Variants in CPNE8 observed in about 807,000 individuals in gnomAD.
CPNE8 encodes copine 8.
A neutral mutation model predicts 81.5 loss-of-function variants in CPNE8; 45 were observed. That is an observed-to-expected ratio of 0.55 (90% CI 0.44 to 0.71). The LOEUF is 0.71. CPNE8 is among the 30% of genes least tolerant of loss of function. CPNE8 has a pLI of 0.00. For synonymous variants in CPNE8, 252 were observed against 226.3 expected (o/e 1.11, Z -1.02); for missense variants, 594 against 672.1 (o/e 0.88, Z 1.28).
At chr12:38,846,521 C>G (rs1459938330) in intron 4 of CPNE8, among the ~76,000 whole-genome samples, 1 of 152,124 alleles carries the variant, frequency 6.6e-6, no homozygotes, top group African/African-American at 2.4e-5. Context: ...CAGGTCATGA[C>G]TGTTCTTTAG....
At chr12:38,741,000 A>T (rs1399160623) in intron 10 of CPNE8, among the ~76,000 whole-genome samples, 2 of 152,038 alleles carry the variant, frequency 1.3e-5, no homozygotes, top group Non-Finnish European at 2.9e-5. Flanking sequence ...CTTCAGGGAG[A>T]ACTACAAACC....
In CPNE8 at chr12:38,657,510, C is replaced by G. The variant is rs553103432; in HGVS notation, c.1507-3440G>C. Among the ~76,000 whole-genome samples, 4 of 152,212 alleles carry G rather than the reference C, an allele frequency of 2.6e-5. No homozygotes were observed. The South Asian group carries it at 8.3e-4, about 32-fold the overall frequency. On this transcript the variant is annotated intron_variant, in intron 19 of 19. Coordinates refer to ENST00000331366, the MANE Select transcript of CPNE8 (RefSeq NM_153634.3). Reference sequence around the variant, plus strand: ...ACTTAAACATCCCTGTCTGACAGCCCTGGAGAGAGCAGTGGTTCTCCCAGC... The same window carrying G: ...ACTTAAACATCCCTGTCTGACAGCCGTGGAGAGAGCAGTGGTTCTCCCAGC...
At chr12:38,698,453 G>T (rs1299438332) in intron 14 of CPNE8, among the ~76,000 whole-genome samples, 8 of 152,190 alleles carry the variant, frequency 5.3e-5, no homozygotes, top group Admixed American at 4.6e-4. Flanking sequence ...CATGAGTTTG[G>T]TATCTTATTT....
chr12:38,887,861 T>C (rs529869663), intron 1 of CPNE8, among the ~76,000 whole-genome samples: 10 of 152,318 alleles, frequency 6.6e-5, no homozygotes, highest in South Asian at 2.1e-4. Context: ...TGAGATTATA[T>C]ATCATTATTT....
intron 6 of CPNE8, among the ~76,000 whole-genome samples, chr12:38,797,751 G>C (rs60863548): frequency 6.6e-6 from 1 of 152,030 alleles, no homozygotes. Flanking sequence ...AAACTACTCC[G>C]AGCTAAAGGA....
In CPNE8 at chr12:38,693,857, T is replaced by C; in HGVS notation, c.962-19A>G. On this transcript the variant is annotated intron_variant, in intron 14 of 19. Coordinates refer to ENST00000331366, the MANE Select transcript of CPNE8 (RefSeq NM_153634.3). ...GGGTTGCCTGATGACAGAACACATA[T>C]TTCAAACATAAGCAATTAGGGTAAA... 6.4e-7 allele frequency: 1 copy of C among 1,557,456 alleles called. No individual in the cohort carries two copies. The highest frequency in any genetic ancestry group is 8.7e-7 in the Non-Finnish European group (1 of 1,154,366).
intron 19 of CPNE8, among the ~76,000 whole-genome samples, chr12:38,664,015 T>C (rs1237122005): frequency 6.6e-6 from 1 of 151,902 alleles, no homozygotes; most frequent in African/African-American, 2.4e-5. Context: ...GGTTAATGGA[T>C]ACAAAATTAC....
intron 6 of CPNE8, among the ~76,000 whole-genome samples, chr12:38,785,119 C>CAGG: frequency 6.6e-6 from 1 of 150,774 alleles, no homozygotes; most frequent in Non-Finnish European, 1.5e-5. Context: ...CGCTTGAACC[C>CAGG]AGGAGGAGGA....
intron 10 of CPNE8, among the ~76,000 whole-genome samples, chr12:38,756,599 C>T (rs1005835406): frequency 1.3e-5 from 2 of 152,146 alleles, no homozygotes; most frequent in Admixed American, 6.5e-5. Context: ...GACATATTCT[C>T]TCTAGATTGA....
At chr12:38,816,567 T>A (rs948426263) in intron 6 of CPNE8, among the ~76,000 whole-genome samples, 1 of 151,858 alleles carries the variant, frequency 6.6e-6, no homozygotes, top group African/African-American at 2.4e-5. Flanking sequence ...GAAAGAAAAA[T>A]TGGTAATTTA....
chr12:38,895,660 A>G (rs944544581), intron 1 of CPNE8, among the ~76,000 whole-genome samples: 4 of 152,114 alleles, frequency 2.6e-5, no homozygotes, highest in African/African-American at 9.6e-5. Flanking sequence ...ACAGGAAAGC[A>G]TTCTGTGTTT....
intron 5 of CPNE8, among the ~76,000 whole-genome samples, chr12:38,838,218 G>A (rs189554482): frequency 7.4e-4 from 113 of 152,242 alleles, no homozygotes; most frequent in South Asian, 1.7e-3. Context: ...AGTGGTACTT[G>A]GAAGTCTATG....
At chr12:38,882,127 G>C (rs374776620) in intron 1 of CPNE8, among the ~76,000 whole-genome samples, 1 of 152,108 alleles carries the variant, frequency 6.6e-6, no homozygotes, top group African/African-American at 2.4e-5. Context: ...CTCTGCAGAC[G>C]TGATTAAACT....
At chr12:38,790,397 T>C (rs1942294161) in intron 6 of CPNE8, among the ~76,000 whole-genome samples, 1 of 151,694 alleles carries the variant, frequency 6.6e-6, no homozygotes, top group South Asian at 2.1e-4. Flanking sequence ...TCAAAACAAT[T>C]GAGCTCATAA....
chr12:38,715,793 C>A (rs751842921), intron 13 of CPNE8, among the ~76,000 whole-genome samples: 1 of 151,990 alleles, frequency 6.6e-6, no homozygotes, highest in Middle Eastern at 3.4e-3. Flanking sequence ...TCCTACCCAG[C>A]GCAATCAGAC....
chr12:38,902,395 G>GAAAA (rs1944500705), intron 1 of CPNE8, among the ~76,000 whole-genome samples: 1 of 130,788 alleles, frequency 7.6e-6, no homozygotes, highest in East Asian at 2.2e-4. Context: ...GAAAGAAAGA[G>GAAAA]AAAGAAAGAA....
In CPNE8 at chr12:38,828,694, T is replaced by A. The variant is rs138899478; in HGVS notation, c.407+685A>T. 8.2e-3 allele frequency among the ~76,000 whole-genome samples: 1,249 copies of A among 152,300 alleles called. 21 individuals carry two copies. The highest frequency in any genetic ancestry group is 0.027 in the African/African-American group (1,135 of 41,562). ...ATTGTGGTTAACTCTGCAAATGTAC[T>A]ATTCTTTCTAGATCTTCTGAATTTT... On this transcript the variant is annotated intron_variant, in intron 6 of 19. Transcript: ENST00000331366.
chr12:38,775,217 G>A (rs994115641), intron 7 of CPNE8, among the ~76,000 whole-genome samples: 3 of 152,056 alleles, frequency 2.0e-5, no homozygotes, highest in Non-Finnish European at 4.4e-5. Flanking sequence ...GAATTCCTGG[G>A]CTCAAGTGAT....
Position 38,873,029 on chromosome 12 carries a change from C to G in CPNE8, c.161G>C (p.Gly54Ala), listed in dbSNP as rs369822693. 1.5e-5 allele frequency: 23 copies of G among 1,555,494 alleles called. No homozygotes were observed. The highest frequency in any genetic ancestry group is 1.9e-5 in the Non-Finnish European group (22 of 1,132,558). Residue 54 changes from glycine (G) to alanine (A), a missense_variant, in exon 3 of 20, where the codon GGA (glycine) becomes GCA (alanine). By Grantham distance (60) the Gly-to-Ala change is moderately conservative (BLOSUM62 0). Transcript: ENST00000331366. The stretch of plus-strand genomic sequence containing the variant: ...CTCTCTCCATTCTTTATTTCCAACT[C>G]CTTGTACATATAAGACACAAACTAC... The part of the protein sequence containing the change: ...SDPICVLYVQ[G>A]VGNKEWREFG...
Sources: gnomAD v4.1 joint callset for allele counts (sites outside exome capture counted in the v4.1 genomes callset) on GRCh38, gnomAD v4.1.1 for gene constraint, MANE v1.5 for transcripts, NCBI Gene and HGNC (gene_info 2026-07-23, HGNC 2026-07-21) for gene names.